ATP5PD: variants seen among roughly 807,000 people sequenced by gnomAD.
The protein encoded by ATP5PD is ATP synthase peripheral stalk subunit d, mitochondrial.
Under a neutral mutation model 22.6 loss-of-function variants are expected in ATP5PD, and 13 were observed. That is an observed-to-expected ratio of 0.58 (90% CI 0.37 to 0.91). ATP5PD has a LOEUF of 0.91. Ranked by LOEUF, ATP5PD falls within the 40% of genes least tolerant of loss-of-function variation. The pLI is 0.00. For missense variants in ATP5PD, 165 were observed against 188.0 expected (o/e 0.88, Z 0.72); for synonymous variants, 51 against 65.0 (o/e 0.79, Z 1.03).
At chr17:75,042,719 A>G in intron 1 of ATP5PD, 60 bp from the exon 2 acceptor site, 1 of 1,493,434 alleles carries the variant, frequency 6.7e-7, no homozygotes, top group Non-Finnish European at 9.1e-7. Context: ...CAGTTGGGAA[A>G]AATGATAAAT....
chr17:75,042,597 C>A lies in ATP5PD; in HGVS notation c.54G>T (p.Glu18Asp). 6.2e-7 allele frequency: 1 copy of A among 1,613,200 alleles called. No homozygotes were observed. The highest frequency in any genetic ancestry group is 8.5e-7 in the Non-Finnish European group (1 of 1,179,810). ...TGGCCTTTTGGTTCTGGGGTATGATCTCTGCAAAAGCTACCCAGTCAATGG... is the reference window on the plus strand; with the variant it reads ...TGGCCTTTTGGTTCTGGGGTATGATATCTGCAAAAGCTACCCAGTCAATGG... ...LKTIDWVAFAEIIPQNQKAIA... is the reference protein window; with the variant it reads ...LKTIDWVAFADIIPQNQKAIA... Residue 18 changes from glutamate (E) to aspartate (D), a missense_variant, in exon 2 of 6, where the codon GAG (glutamate) becomes GAT (aspartate). Coordinates refer to ENST00000301587, the MANE Select transcript of ATP5PD (RefSeq NM_006356.3).
chr17:75,044,544 G>T (rs929586201), intron 1 of ATP5PD, among the ~76,000 whole-genome samples: 1 of 149,394 alleles, frequency 6.7e-6, no homozygotes, highest in Non-Finnish European at 1.5e-5. Context: ...GTTTCTCCAC[G>T]TTGGCCAGGA....
At chr17:75,039,988 G>T in intron 4 of ATP5PD, 104 bp downstream of exon 4, 5 of 1,186,780 alleles carry the variant, frequency 4.2e-6, no homozygotes, top group African/African-American at 1.5e-5. Context: ...CCTTTATATG[G>T]CTGTTAACTC....
intron 1 of ATP5PD, among the ~76,000 whole-genome samples, chr17:75,045,229 A>T (rs2073201587): frequency 1.3e-5 from 2 of 152,230 alleles, no homozygotes; most frequent in South Asian, 4.1e-4. Flanking sequence ...ACAGACATCA[A>T]GTACTTAACA....
In ATP5PD at chr17:75,043,030, T is replaced by C. The variant is rs536875321; in HGVS notation, c.-9-371A>G. 9.2e-5 allele frequency among the ~76,000 whole-genome samples: 14 copies of C among 152,174 alleles called. No individual in the cohort carries two copies. In the South Asian group the frequency reaches 2.9e-3, roughly 32 times the overall value. Reference sequence around the variant, plus strand: ...TGAGGTCAGGAGTTCGAGACCAGCATGGCCAACATGGCAAAACCCCATCTC... The same window carrying C: ...TGAGGTCAGGAGTTCGAGACCAGCACGGCCAACATGGCAAAACCCCATCTC... On this transcript the variant is annotated intron_variant, in intron 1 of 5. Coordinates refer to ENST00000301587, the MANE Select transcript of ATP5PD (RefSeq NM_006356.3).
At chr17:75,043,333 C>T (rs1235816790) in intron 1 of ATP5PD, among the ~76,000 whole-genome samples, 6 of 151,308 alleles carry the variant, frequency 4.0e-5, no homozygotes, top group Non-Finnish European at 5.9e-5. Flanking sequence ...CTCTCTTGGC[C>T]GGGCGCAGTG....
At chr17:75,045,775 T>A (rs1046962835) in intron 1 of ATP5PD, among the ~76,000 whole-genome samples, 3 of 152,218 alleles carry the variant, frequency 2.0e-5, no homozygotes, top group Non-Finnish European at 4.4e-5. Flanking sequence ...ACACAATTAT[T>A]ACAGGGTCCT....
chr17:75,042,215 G>A lies in ATP5PD; in HGVS notation c.185C>T (p.Ala62Val), dbSNP rs138253735. Reference protein sequence around the residue: ...IDWAYYKANVAKAGLVDDFEK... With the variant: ...IDWAYYKANVVKAGLVDDFEK... ...AAAGTCATCCACCAAGCCAGCCTTGGCCACATTGGCCTTGTAGTAAGCCCA... is the reference window on the plus strand; with the variant it reads ...AAAGTCATCCACCAAGCCAGCCTTGACCACATTGGCCTTGTAGTAAGCCCA... The change falls in exon 3 of 6, where the codon GCC becomes GTC. Residue 62 changes from alanine (A) to valine (V), a missense_variant. Physicochemically the swap from Ala to Val is moderately conservative, Grantham distance 64 (BLOSUM62 0). Transcript: ENST00000301587. 6.2e-6 allele frequency: 10 copies of A among 1,614,124 alleles called. No homozygotes were observed. The African/African-American group carries it at 1.1e-4, about 17-fold the overall frequency.
At chr17:75,042,506 T>C (rs1567987771) in intron 2 of ATP5PD, 23 bp downstream of exon 2, 1 of 1,599,794 alleles carries the variant, frequency 6.3e-7, no homozygotes, top group Non-Finnish European at 8.5e-7. Context: ...AAGTATGGGG[T>C]TCCCTCTCAG....
intron 3 of ATP5PD, 196 bp from the exon 4 acceptor site, chr17:75,040,359 G>C: frequency 1.6e-6 from 1 of 617,950 alleles, no homozygotes; most frequent in Non-Finnish European, 2.9e-6. Context: ...ATTAGACTGG[G>C]AACAGGAGCT....
At chr17:75,042,694 T>C (rs1270802618) in intron 1 of ATP5PD, 35 bp from the exon 2 acceptor site, 1 of 1,579,614 alleles carries the variant, frequency 6.3e-7, no homozygotes, top group Non-Finnish European at 8.6e-7. Flanking sequence ...AAGGCTTTTT[T>C]ATGAGGTGAA....
chr17:75,039,456 A>G (rs1410206865), intron 4 of ATP5PD, 185 bp from the exon 5 acceptor site: 2 of 583,678 alleles, frequency 3.4e-6, no homozygotes, highest in South Asian at 2.1e-5. Context: ...CTCACAGAGA[A>G]GCCCATATGG....
intron 1 of ATP5PD, among the ~76,000 whole-genome samples, chr17:75,046,587 G>A (rs2307008): frequency 0.27 from 41,045 of 152,124 alleles, 8,432 homozygotes; most frequent in East Asian, 0.57. Flanking sequence ...TCCCTCGGCA[G>A]GTTAACACTG....
chr17:75,042,688 CT>C, intron 1 of ATP5PD, 29 bp from the exon 2 acceptor site: 1 of 1,582,416 alleles, frequency 6.3e-7, no homozygotes. Flanking sequence ...AAAAACAAGG[CT>C]TTTTTATGAG....
In ATP5PD at chr17:75,039,275, T is replaced by G; in HGVS notation, c.292-4A>C. 2 of 1,613,992 alleles carry G rather than the reference T, an allele frequency of 1.2e-6. No homozygotes were observed. Among genetic ancestry groups the G allele is most frequent in the African/African-American group, 2.7e-5 (2 of 75,046 alleles). On this transcript the variant is annotated splice_region_variant and splice_polypyrimidine_tract_variant and intron_variant, in intron 4 of 5. Coordinates refer to ENST00000301587, the MANE Select transcript of ATP5PD (RefSeq NM_006356.3). ...CCCACTCAGCACAAGATTTCACCTT[T>G]AAGAAGAAAGAGAAATTCAGTTCTG...
At chr17:75,045,301 A>T (rs1173640106) in intron 1 of ATP5PD, among the ~76,000 whole-genome samples, 2 of 152,242 alleles carry the variant, frequency 1.3e-5, no homozygotes, top group East Asian at 3.8e-4. Flanking sequence ...ACAGGACCAG[A>T]GCGAAATTAA....
At chr17:75,044,772 A>G (rs1303940806) in intron 1 of ATP5PD, among the ~76,000 whole-genome samples, 1 of 152,232 alleles carries the variant, frequency 6.6e-6, no homozygotes, top group East Asian at 1.9e-4. Context: ...CAGATATTAA[A>G]AGACTGCAAA....
At chr17:75,039,494 G>A (rs1355807416) in intron 4 of ATP5PD, 1 of 526,804 alleles carries the variant, frequency 1.9e-6, no homozygotes, top group East Asian at 3.2e-5. Flanking sequence ...GCAGCACCCG[G>A]CTGCTTCTGC....
In ATP5PD at chr17:75,039,214, T is replaced by C; in HGVS notation, c.349A>G (p.Lys117Glu). 1 of 1,614,000 alleles carries C rather than the reference T, an allele frequency of 6.2e-7. No homozygotes were observed. Among genetic ancestry groups the C allele is most frequent in the Non-Finnish European group, 8.5e-7 (1 of 1,179,874 alleles). Residue 117 changes from lysine (K) to glutamate (E), a missense_variant, in exon 5 of 6, where the codon AAA (lysine) becomes GAA (glutamate). By Grantham distance (56) the Lys-to-Glu change is moderately conservative (BLOSUM62 1). Transcript: ENST00000301587. Reference protein sequence around the residue: ...LSKARIVEYEKEMEKMKNLIP... With the variant: ...LSKARIVEYEEEMEKMKNLIP... Reference sequence around the variant, plus strand: ...CGGCTACCCATCATCCTTACCTCTTTCTCATATTCTACAATCCTGGCCTTT... The same window carrying C: ...CGGCTACCCATCATCCTTACCTCTTCCTCATATTCTACAATCCTGGCCTTT...
Sources: gnomAD v4.1 joint callset for allele counts (sites outside exome capture counted in the v4.1 genomes callset) on GRCh38, gnomAD v4.1.1 for gene constraint, MANE v1.5 for transcripts, NCBI Gene and HGNC (gene_info 2026-07-23, HGNC 2026-07-21) for gene names.